EYS: variants seen among roughly 807,000 people sequenced by gnomAD.
The protein encoded by EYS is EGF-like photoreceptor maintenance factor, also known as protein eyes shut homolog.
EYS carries 250 observed loss-of-function variants against 282.1 expected under a neutral mutation model. The ratio of observed to expected loss-of-function variants is 0.89; its 90% confidence interval spans 0.80 to 0.98. EYS has a LOEUF of 0.98. Ranked by LOEUF, EYS falls within the 50% of genes least tolerant of loss-of-function variation. EYS has a pLI of 0.00. For missense variants in EYS, 4,016 were observed against 3,709.0 expected (o/e 1.08, Z -2.15); for synonymous variants, 1,355 against 1,282.9 (o/e 1.06, Z -1.20).
At chr6:64,145,270 C>A (rs1774473823) in intron 31 of EYS, among the ~76,000 whole-genome samples, 1 of 152,162 alleles carries the variant, frequency 6.6e-6, no homozygotes, top group Non-Finnish European at 1.5e-5. Context: ...TAACTGCAAA[C>A]TGACAAACAT....
chr6:65,513,889 G>A (rs941828267), intron 2 of EYS, among the ~76,000 whole-genome samples: 4 of 152,202 alleles, frequency 2.6e-5, no homozygotes, highest in Non-Finnish European at 5.9e-5. Flanking sequence ...ACAAGACAGG[G>A]CTGCCCTCTC....
intron 29 of EYS, among the ~76,000 whole-genome samples, chr6:64,387,449 T>C (rs1233659318): frequency 6.6e-6 from 1 of 152,098 alleles, no homozygotes; most frequent in Non-Finnish European, 1.5e-5. Context: ...TATATTAAAA[T>C]TTATATTTTA....
intron 19 of EYS, among the ~76,000 whole-genome samples, chr6:64,851,324 T>A (rs541723684): frequency 2.0e-4 from 30 of 152,056 alleles, no homozygotes; most frequent in South Asian, 4.2e-4. Flanking sequence ...GTGATTTTTT[T>A]TAAAAAAATA....
chr6:65,135,369 G>A (rs1328243266), intron 12 of EYS, among the ~76,000 whole-genome samples: 1 of 151,794 alleles, frequency 6.6e-6, no homozygotes. Flanking sequence ...TAATGTCACT[G>A]AAATTTTTTT....
At chr6:64,220,316 T>A (rs1227986251) in intron 31 of EYS, among the ~76,000 whole-genome samples, 2 of 152,214 alleles carry the variant, frequency 1.3e-5, no homozygotes, top group African/African-American at 2.4e-5. Context: ...TTCTCTGTGC[T>A]CAGTTTTTTC....
intron 2 of EYS, among the ~76,000 whole-genome samples, chr6:65,621,511 T>A (rs1165641483): frequency 2.0e-5 from 3 of 150,460 alleles, no homozygotes; most frequent in Non-Finnish European, 3.0e-5. Context: ...TTATCCAATT[T>A]GCCAGTCTGT....
intron 31 of EYS, among the ~76,000 whole-genome samples, chr6:64,147,808 C>T (rs775472538): frequency 6.6e-5 from 10 of 152,150 alleles, no homozygotes; most frequent in African/African-American, 1.9e-4. Flanking sequence ...TGTGTTTCTG[C>T]GGAGGAGCCA....
At chr6:65,464,849 G>A (rs552548144) in intron 5 of EYS, among the ~76,000 whole-genome samples, 1 of 152,254 alleles carries the variant, frequency 6.6e-6, no homozygotes, top group Non-Finnish European at 1.5e-5. Context: ...TGTGTTCCAC[G>A]TGTGGGACTG....
chr6:64,588,303 G>A (rs1766297075), intron 26 of EYS, among the ~76,000 whole-genome samples: 1 of 152,042 alleles, frequency 6.6e-6, no homozygotes. Context: ...ATTGACAAAT[G>A]TAGGACTCTA....
At chr6:64,086,313 T>C (rs1772155809) in intron 31 of EYS, among the ~76,000 whole-genome samples, 1 of 152,224 alleles carries the variant, frequency 6.6e-6, no homozygotes, top group South Asian at 2.1e-4. Flanking sequence ...AACTGAACTG[T>C]TGCAGTGGCT....
chr6:65,278,614 G>C (rs1768129927), intron 12 of EYS, among the ~76,000 whole-genome samples: 1 of 151,782 alleles, frequency 6.6e-6, no homozygotes, highest in African/African-American at 2.4e-5. Context: ...ATAGGGTTTT[G>C]TTTTTAATTT....
At chr6:65,329,231 G>A (rs1769709570) in intron 11 of EYS, 1 of 418,780 alleles carries the variant, frequency 2.4e-6, no homozygotes, top group Non-Finnish European at 3.2e-6. Flanking sequence ...AGATAATTGT[G>A]TATAGATGAG....
intron 2 of EYS, among the ~76,000 whole-genome samples, chr6:65,630,450 CT>C (rs1766871300): frequency 6.6e-6 from 1 of 152,152 alleles, no homozygotes; most frequent in Non-Finnish European, 1.5e-5. Context: ...CATTTTTCTG[CT>C]TTTTCTATCC....
At chr6:64,193,488 T>G (rs113519231) in intron 31 of EYS, among the ~76,000 whole-genome samples, 34 of 152,118 alleles carry the variant, frequency 2.2e-4, no homozygotes, top group African/African-American at 7.0e-4. Context: ...TCTTTTTTTT[T>G]CCTGGTTGTT....
chr6:65,416,900 G>A (rs933064631), intron 5 of EYS, among the ~76,000 whole-genome samples: 3 of 151,940 alleles, frequency 2.0e-5, no homozygotes, highest in African/African-American at 7.2e-5. Flanking sequence ...AACTTGAAAA[G>A]TGACAGAAGA....
chr6:65,491,050 G>A (rs1766024620), intron 4 of EYS, among the ~76,000 whole-genome samples: 1 of 151,862 alleles, frequency 6.6e-6, no homozygotes, highest in South Asian at 2.1e-4. Flanking sequence ...TACATTGATA[G>A]TATTGCAGTG....
At chr6:65,428,700 A>T (rs900411478) in intron 5 of EYS, among the ~76,000 whole-genome samples, 2 of 152,130 alleles carry the variant, frequency 1.3e-5, no homozygotes, top group African/African-American at 2.4e-5. Context: ...AAATAATACA[A>T]AATATAGATA....
chr6:65,111,627 C>G (rs988437203), intron 12 of EYS, among the ~76,000 whole-genome samples: 1 of 152,092 alleles, frequency 6.6e-6, no homozygotes, highest in African/African-American at 2.4e-5. Context: ...GCAGGCAGAT[C>G]ACCTGAGGTC....
intron 22 of EYS, among the ~76,000 whole-genome samples, chr6:64,706,175 C>G (rs1771006719): frequency 6.6e-6 from 1 of 151,992 alleles, no homozygotes; most frequent in African/African-American, 2.4e-5. Flanking sequence ...CAAATACTTA[C>G]AGCCAACTAA....
Sources: allele counts gnomAD v4.1 joint callset (sites outside exome capture counted in the v4.1 genomes callset), GRCh38; gene constraint gnomAD v4.1.1; transcripts MANE v1.5; gene names NCBI Gene and HGNC (gene_info 2026-07-23, HGNC 2026-07-21).